Variants in GNAO1 observed in about 807,000 individuals in gnomAD.
GNAO1 encodes G protein subunit alpha o1.
For missense variants in GNAO1, 166 were observed against 478.7 expected (o/e 0.35, Z 6.10); for synonymous variants, 164 against 180.7 (o/e 0.91, Z 0.74).
chr16:56,236,772 T>C (rs1267458607), intron 2 of GNAO1, among the ~76,000 whole-genome samples: 1 of 152,256 alleles, frequency 6.6e-6, no homozygotes, highest in East Asian at 1.9e-4. Flanking sequence ...GAGGGACTTT[T>C]GAACACAAAG....
chr16:56,286,741 A>ATCTG (rs1218026750), intron 3 of GNAO1, among the ~76,000 whole-genome samples: 19 of 145,468 alleles, frequency 1.3e-4, no homozygotes, highest in Middle Eastern at 3.2e-3. Context: ...GTATGTGTGT[A>ATCTG]TCTGTCTGTC....
chr16:56,200,518 G>A (rs2036273366), intron 2 of GNAO1, among the ~76,000 whole-genome samples: 1 of 152,206 alleles, frequency 6.6e-6, no homozygotes, highest in African/African-American at 2.4e-5. Context: ...GAGGAAGTGA[G>A]GTTCAAAGAA....
intron 2 of GNAO1, among the ~76,000 whole-genome samples, chr16:56,232,945 A>G (rs1055069521): frequency 6.6e-6 from 1 of 152,232 alleles, no homozygotes; most frequent in Admixed American, 6.5e-5. Context: ...ACAATAAAAC[A>G]TGCCCCTTAC....
At chr16:56,257,158 T>C (rs1474600003) in intron 2 of GNAO1, among the ~76,000 whole-genome samples, 2 of 151,626 alleles carry the variant, frequency 1.3e-5, no homozygotes, top group African/African-American at 4.9e-5. Flanking sequence ...TGGGGAAGGC[T>C]GAAAGGGGAC....
intron 6 of GNAO1, among the ~76,000 whole-genome samples, chr16:56,342,972 G>A (rs752196142): frequency 1.3e-5 from 2 of 151,730 alleles, no homozygotes; most frequent in Non-Finnish European, 2.9e-5. Flanking sequence ...AATTAGTGGG[G>A]CGTGGCAGCA....
chr16:56,281,935 G>A (rs978779051), intron 3 of GNAO1, among the ~76,000 whole-genome samples: 5 of 152,246 alleles, frequency 3.3e-5, no homozygotes, highest in African/African-American at 4.8e-5. Context: ...ACGTGTGTAT[G>A]TATGTACATC....
rs1173363132 is a variant in GNAO1 at position 56,191,673 on chromosome 16, C to G, written c.-563C>G. The G allele has an allele frequency of 1.3e-5, 2 of 155,070 alleles. No homozygotes were observed. 9.6% of individuals were successfully genotyped at this position (155,070 alleles called of 1,614,324 possible). On this transcript the variant is annotated 5_prime_UTR_variant, in exon 1 of 9. Coordinates refer to ENST00000262493, the MANE Select transcript of GNAO1 (RefSeq NM_020988.3). This position sits in a 1 kb window ranked among gnomAD's most constrained non-coding sequence, Gnocchi z 4.7. The stretch of plus-strand genomic sequence containing the variant: ...AGCGCGCGGGGGTCGGCGAAGGCGC[C>G]GCGGACGCACCGACGGCTGAAGAGC...
rs367988411 is a variant in GNAO1, at chr16:56,346,159, C to T, written c.724-5225C>T. ...CTCCCACCCTAGCCTGGGGGTGGTCCTTGGTCCTCAGGGGTATCCGGGGAG... is the reference window on the plus strand; with the variant it reads ...CTCCCACCCTAGCCTGGGGGTGGTCTTTGGTCCTCAGGGGTATCCGGGGAG... On this transcript the variant is annotated intron_variant, in intron 6 of 8. Coordinates refer to ENST00000262493, the MANE Select transcript of GNAO1 (RefSeq NM_020988.3). 3.1e-4 allele frequency: 303 copies of T among 985,468 alleles called. 4 individuals are homozygous for T. The South Asian group carries it at 7.4e-3, about 24-fold the overall frequency. 61.0% of individuals were successfully genotyped at this position (985,468 alleles called of 1,614,324 possible).
intron 6 of GNAO1, among the ~76,000 whole-genome samples, chr16:56,339,287 G>A (rs763533374): frequency 9.9e-5 from 15 of 152,234 alleles, no homozygotes; most frequent in Non-Finnish European, 1.5e-4. Context: ...CACCCTGCCC[G>A]GGCCTGCACC....
chr16:56,192,237 TG>T lies in GNAO1; in HGVS notation c.5del (p.Gly2?). [M>X]GCTLSAEERA... ...GGCTGTGGCAGGGAAGGGGCCACCATGGGATGTACTCTGAGCGCAGAGGAGA... is the reference window on the plus strand; with the variant it reads ...GGCTGTGGCAGGGAAGGGGCCACCATGGATGTACTCTGAGCGCAGAGGAGA... On this transcript the variant is annotated frameshift_variant and start_lost, in exon 1 of 9. Coordinates refer to ENST00000262493, the MANE Select transcript of GNAO1 (RefSeq NM_020988.3). LOFTEE classifies it high-confidence loss of function. 1 of 1,562,096 alleles carries T rather than the reference TG, an allele frequency of 6.4e-7. No homozygotes were observed. Among genetic ancestry groups the T allele is most frequent in the Non-Finnish European group, 8.8e-7 (1 of 1,140,262 alleles).
At chr16:56,318,393 G>T (rs1454338612) in intron 3 of GNAO1, among the ~76,000 whole-genome samples, 1 of 152,238 alleles carries the variant, frequency 6.6e-6, no homozygotes, top group South Asian at 2.1e-4. Context: ...GGCAGCCCAA[G>T]GAAGGCGCGA....
intron 3 of GNAO1, among the ~76,000 whole-genome samples, chr16:56,282,411 A>G (rs930895396): frequency 3.3e-5 from 5 of 152,248 alleles, no homozygotes; most frequent in Admixed American, 3.3e-4. Context: ...AGTGTTGATG[A>G]ATTCTACTCA....
rs1388423697 is a variant in GNAO1 at position 56,356,179 on chromosome 16, C to CGAA, written c.*105_*106insGAA. ...TTTTGGCCTTTGTAAGACACACAGC[C>CGAA]TTTCTGTATCAAGCCCCTGTCTAAC... is the stretch of plus-strand genomic sequence containing the variant. On this transcript the variant is annotated 3_prime_UTR_variant, in exon 9 of 9. Transcript: ENST00000262493. The CGAA allele has an allele frequency of 3.9e-5, 6 of 152,810 alleles. No individual in the cohort carries two copies. The highest frequency in any genetic ancestry group is 1.4e-4 in the African/African-American group (6 of 41,586). The allele number at this position is 152,810 out of a possible 1,614,324, so 9.5% of individuals were successfully genotyped here.
At chr16:56,331,319 G>A (rs1251069757) in intron 4 of GNAO1, among the ~76,000 whole-genome samples, 1 of 152,174 alleles carries the variant, frequency 6.6e-6, no homozygotes, top group South Asian at 2.1e-4. Flanking sequence ...CCAACCAGGG[G>A]CTGTGAAAGG....
intron 2 of GNAO1, among the ~76,000 whole-genome samples, chr16:56,240,411 C>G (rs1232204638): frequency 6.6e-6 from 1 of 152,150 alleles, no homozygotes; most frequent in Non-Finnish European, 1.5e-5. Flanking sequence ...GTGTGAACAC[C>G]AGGGACTTCA....
At chr16:56,324,741 A>G (rs1160533638) in intron 3 of GNAO1, among the ~76,000 whole-genome samples, 1 of 152,216 alleles carries the variant, frequency 6.6e-6, no homozygotes, top group Admixed American at 6.5e-5. Flanking sequence ...GTCAGACCCC[A>G]CGGGCTGGGT....
chr16:56,272,783 C>A (rs1482712580), intron 2 of GNAO1, among the ~76,000 whole-genome samples: 1 of 152,174 alleles, frequency 6.6e-6, no homozygotes, highest in African/African-American at 2.4e-5. Flanking sequence ...TTAATGATAT[C>A]AATAGGTGTG....
intron 3 of GNAO1, among the ~76,000 whole-genome samples, chr16:56,327,614 C>G (rs1204444201): frequency 6.6e-6 from 1 of 152,194 alleles, no homozygotes; most frequent in Admixed American, 6.5e-5. Context: ...AAGACCACCA[C>G]ACTCCTGGTT....
At chr16:56,198,826 G>C (rs974902307) in intron 2 of GNAO1, among the ~76,000 whole-genome samples, 2 of 152,188 alleles carry the variant, frequency 1.3e-5, no homozygotes, top group African/African-American at 2.4e-5. Flanking sequence ...GAAGCAGAAG[G>C]GGGGTGCTGT....
Sources: gnomAD v4.1 joint callset for allele counts (sites outside exome capture counted in the v4.1 genomes callset) on GRCh38, gnomAD v4.1.1 for gene constraint, Gnocchi (gnomAD v3.1) non-coding constraint, MANE v1.5 for transcripts, NCBI Gene and HGNC (gene_info 2026-07-23, HGNC 2026-07-21) for gene names.